Variants in ACADS observed in about 807,000 individuals in gnomAD.
ACADS encodes the protein short-chain specific acyl-CoA dehydrogenase, mitochondrial.
In ACADS, 28 loss-of-function variants were observed where a neutral mutation model predicts 46.8. The observed-to-expected ratio is 0.60, with a 90% confidence interval of 0.44 to 0.82. ACADS has a LOEUF of 0.82. ACADS is among the 40% of genes least tolerant of loss of function. The pLI, the probability that ACADS is intolerant of heterozygous loss-of-function variation, is 0.00. For missense variants in ACADS, 528 were observed against 578.0 expected (o/e 0.91, Z 0.89); for synonymous variants, 236 against 237.7 (o/e 0.99, Z 0.07).
rs754459133 is a variant in ACADS at position 120,739,182 on chromosome 12, G to T, written c.1072G>T (p.Ala358Ser). 17 of 1,612,920 alleles carry T rather than the reference G, an allele frequency of 1.1e-5. No individual in the cohort carries two copies. The Admixed American group carries it at 2.5e-4, about 24-fold the overall frequency. ...AKLAASEAATAISHQAIQILG... is the reference protein window; with the variant it reads ...AKLAASEAATSISHQAIQILG... ...GCTGGCCGCCTCGGAGGCCGCGACC[G>T]CCATCAGCCACCAGGTGAGTGTCCA... Residue 358 changes from alanine to serine, a missense_variant, in exon 9 of 10, where the codon GCC (alanine) becomes TCC (serine). Physicochemically the swap from Ala to Ser is moderately conservative, Grantham distance 99 (BLOSUM62 1). Coordinates refer to ENST00000242592, the MANE Select transcript of ACADS (RefSeq NM_000017.4).
intron 2 of ACADS, among the ~76,000 whole-genome samples, chr12:120,735,556 G>A (rs1468437374): frequency 6.6e-6 from 1 of 151,796 alleles, no homozygotes; most frequent in African/African-American, 2.4e-5. Context: ...AGAAAAACAA[G>A]AATATATTAG....
chr12:120,731,928 A>G (rs912517320), intron 2 of ACADS, among the ~76,000 whole-genome samples: 1 of 152,140 alleles, frequency 6.6e-6, no homozygotes, highest in Non-Finnish European at 1.5e-5. Context: ...GATACAGCAC[A>G]TGTTTCAGAG....
At chr12:120,729,838 C>T (rs1439365128) in intron 2 of ACADS, among the ~76,000 whole-genome samples, 4 of 152,104 alleles carry the variant, frequency 2.6e-5, no homozygotes, top group Non-Finnish European at 5.9e-5. Flanking sequence ...TGTCCAGGCT[C>T]TGGGATGGGA....
chr12:120,738,758 C>A, intron 7 of ACADS, 62 bp from the exon 8 acceptor site: 2 of 1,611,742 alleles, frequency 1.2e-6, no homozygotes, highest in African/African-American at 2.7e-5. Context: ...TCCTCCTCCC[C>A]CTCCCTTCTG....
intron 3 of ACADS, 77 bp downstream of exon 3, chr12:120,737,212 C>T (rs1400131014): frequency 3.9e-6 from 6 of 1,542,466 alleles, no homozygotes; most frequent in South Asian, 1.2e-5. Flanking sequence ...GGCCTCGGCT[C>T]CCAGCCCTGA....
chr12:120,738,013 A>G (rs1324719099), intron 5 of ACADS, 25 bp downstream of exon 5: 4 of 1,613,056 alleles, frequency 2.5e-6, no homozygotes, highest in Middle Eastern at 1.6e-4. Flanking sequence ...AGAGGGGTTC[A>G]GCCGGATCCT....
intron 2 of ACADS, among the ~76,000 whole-genome samples, chr12:120,732,918 C>T (rs1883306872): frequency 6.6e-6 from 1 of 152,242 alleles, no homozygotes; most frequent in African/African-American, 2.4e-5. Context: ...CCACTGCACT[C>T]CAGCCTGGGC....
intron 2 of ACADS, among the ~76,000 whole-genome samples, chr12:120,730,280 T>C (rs3794215): frequency 0.51 from 77,527 of 152,080 alleles, 21,147 homozygotes; most frequent in African/African-American, 0.72. Flanking sequence ...CGCGCCCAGC[T>C]GGTAGATGCT....
In ACADS at chr12:120,727,130, AAGG is replaced by A. The variant is rs1334212730; in HGVS notation, c.154_156del (p.Glu52del). 2 of 1,614,010 alleles carry A rather than the reference AAGG, an allele frequency of 1.2e-6. No homozygotes were observed. Among genetic ancestry groups the A allele is most frequent in the Non-Finnish European group, 8.5e-7 (1 of 1,180,004 alleles). On this transcript the variant is annotated inframe_deletion, in exon 2 of 10. Transcript: ENST00000242592. ...CCAGACATGCCGGGACTTTGCCGAG[AAGG>A]AGTTGTTTCCCATTGCAGCCCAGGT...
chr12:120,736,571 G>C (rs1274279298), intron 2 of ACADS, among the ~76,000 whole-genome samples: 1 of 152,228 alleles, frequency 6.6e-6, no homozygotes, highest in Admixed American at 6.5e-5. Flanking sequence ...GCAATAACCA[G>C]CTGAGGGATA....
intron 2 of ACADS, 72 bp from the exon 3 acceptor site, chr12:120,736,914 G>A: frequency 6.6e-7 from 1 of 1,504,442 alleles, no homozygotes; most frequent in Non-Finnish European, 8.9e-7. Flanking sequence ...GGGGGCAGGA[G>A]GGTTTGGGCT....
At chr12:120,733,869 T>C (rs370681290) in intron 2 of ACADS, among the ~76,000 whole-genome samples, 27 of 104,806 alleles carry the variant, frequency 2.6e-4, no homozygotes, top group Non-Finnish European at 3.8e-4. Flanking sequence ...AAAAAAAAAA[T>C]AGAAAAAACA....
At chr12:120,737,776 G>T in intron 4 of ACADS, 61 bp from the exon 5 acceptor site, 1 of 1,608,458 alleles carries the variant, frequency 6.2e-7, no homozygotes. Flanking sequence ...AGGGAGTGAG[G>T]CTGGTGCCCT....
intron 2 of ACADS, among the ~76,000 whole-genome samples, chr12:120,733,471 C>G (rs1484432813): frequency 3.3e-5 from 5 of 152,130 alleles, no homozygotes; most frequent in Admixed American, 6.5e-5. Context: ...AGGTCTGTGT[C>G]TCCAGGTCCT....
chr12:120,739,440 C>T lies in ACADS; in HGVS notation c.1231C>T (p.Arg411Trp), dbSNP rs369416846. ...CGCCGGGCATCTGCTCAGGAGCTAC[C>T]GGAGCTGAGCCCGCGGCGGACTGCC... Reference protein sequence around the residue: ...VIAGHLLRSYRS With the variant: ...VIAGHLLRSYWS Residue 411 changes from arginine to tryptophan, a missense_variant, in exon 10 of 10, where the codon CGG becomes TGG. Arg to Trp is a moderately radical substitution (Grantham distance 101, BLOSUM62 -3). Transcript: ENST00000242592. The T allele has an allele frequency of 9.9e-6, 16 of 1,609,356 alleles. No individual in the cohort carries two copies. The highest frequency in any genetic ancestry group is 8.9e-5 in the East Asian group (4 of 44,866).
chr12:120,737,619 G>T (rs778859539), intron 4 of ACADS, 152 bp downstream of exon 4: 1 of 1,052,516 alleles, frequency 9.5e-7, no homozygotes. Flanking sequence ...CGCGGCGCTG[G>T]GAGGAAGATT....
chr12:120,737,364 C>T lies in ACADS; in HGVS notation c.369C>T (p.Tyr123=), dbSNP rs749491616. The change falls in exon 4 of 10, where the codon TAC becomes TAT. Residue 123 remains tyrosine (Y), a synonymous_variant. Transcript: ENST00000242592. The part of the protein sequence containing the change: ...GVIMSVNNSL[Y]LGPILKFGSK... ...CCCCGCTGTCCTCCTAGTCTCTCTACCTGGGGCCCATCTTGAAGTTTGGCT... is the reference window on the plus strand; with the variant it reads ...CCCCGCTGTCCTCCTAGTCTCTCTATCTGGGGCCCATCTTGAAGTTTGGCT... 2.5e-6 allele frequency: 4 copies of T among 1,614,016 alleles called. No homozygotes were observed. The South Asian group carries it at 4.4e-5, about 18-fold the overall frequency.
chr12:120,739,638 T>C lies in ACADS; in HGVS notation c.*190T>C. On this transcript the variant is annotated 3_prime_UTR_variant, in exon 10 of 10. Coordinates refer to ENST00000242592, the MANE Select transcript of ACADS (RefSeq NM_000017.4). ...CCATTGGCAGCTCCGCCTCTGGGCC[T>C]TTCCGCCTCCTCACCACTGTGCCTC... The C allele has an allele frequency of 3.0e-6, 2 of 668,934 alleles. No individual in the cohort carries two copies. The highest frequency in any genetic ancestry group is 5.0e-6 in the Non-Finnish European group (2 of 399,272). 41.4% of individuals were successfully genotyped at this position (668,934 alleles called of 1,614,324 possible). A position where few individuals can be genotyped will look rare whatever the true frequency, so the allele number is the denominator to read the frequency against.
chr12:120,728,251 T>A lies in ACADS; in HGVS notation c.210+1062T>A, dbSNP rs1435186027. 6.6e-6 allele frequency among the ~76,000 whole-genome samples: 1 copy of A among 151,228 alleles called. No homozygotes were observed. Among genetic ancestry groups the A allele is most frequent in the Non-Finnish European group, 1.5e-5 (1 of 67,726 alleles). The stretch of plus-strand genomic sequence containing the variant: ...CGTGAGCCACCGTGCCCGGCCTGCT[T>A]GAACTGTTTTCTCCCCTGAGTTTCC... On this transcript the variant is annotated intron_variant, in intron 2 of 9. Transcript: ENST00000242592. This position sits in a 1 kb window ranked among gnomAD's most constrained non-coding sequence, Gnocchi z 4.0.
Sources: gnomAD v4.1 joint callset for allele counts (sites outside exome capture counted in the v4.1 genomes callset) on GRCh38, gnomAD v4.1.1 for gene constraint, Gnocchi (gnomAD v3.1) non-coding constraint, MANE v1.5 for transcripts, NCBI Gene and HGNC (gene_info 2026-07-23, HGNC 2026-07-21) for gene names.